Variants in CCNY observed in about 807,000 individuals in gnomAD.
The protein encoded by CCNY is cyclin-Y.
In CCNY, 19 loss-of-function variants were observed where a neutral mutation model predicts 42.8. The observed-to-expected ratio is 0.44, with a 90% CI of 0.31 to 0.65. CCNY has a LOEUF of 0.65. Among genes scored for constraint, CCNY ranks in the 30% least tolerant of loss-of-function variants. The pLI is 0.07. For missense variants in CCNY, 370 were observed against 437.3 expected, an observed-to-expected ratio of 0.85 and a Z score of 1.37; for synonymous variants, 165 against 162.7, an observed-to-expected ratio of 1.01 and a Z score of -0.11.
At chr10:35,473,447 G>A (rs1839431811) in intron 1 of CCNY, among the ~76,000 whole-genome samples, 1 of 152,144 alleles carries the variant, frequency 6.6e-6, no homozygotes. Flanking sequence ...TCAAGAGCTT[G>A]GTGGGAGCAG....
chr10:35,463,536 T>C (rs1023336255), intron 1 of CCNY, among the ~76,000 whole-genome samples: 2 of 152,214 alleles, frequency 1.3e-5, no homozygotes, highest in Admixed American at 6.5e-5. Context: ...AGTGAAACTC[T>C]GGAAGCACCA....
rs368651541 is a variant in CCNY at position 35,339,498 on chromosome 10, A to G, written c.154+2291A>G. ...TATCTGTATGTATTTGAACTGAGTT[A>G]TATTGATTGTTAGGTTATTAGTAAA... On this transcript the variant is annotated intron_variant, in intron 1 of 9. Transcript: ENST00000374704. Among the ~76,000 whole-genome samples the G allele has an allele frequency of 1.5e-3, 225 of 152,352 alleles. 6 individuals carry two copies. The South Asian group carries it at 0.033, about 22-fold the overall frequency.
At chr10:35,465,428 T>G (rs749871807) in intron 1 of CCNY, among the ~76,000 whole-genome samples, 3 of 152,152 alleles carry the variant, frequency 2.0e-5, no homozygotes, top group Non-Finnish European at 2.9e-5. Flanking sequence ...TTTAAACTTG[T>G]CACTTCACCT....
rs1840301334 is a variant in CCNY at position 35,510,352 on chromosome 10, C to A, written c.265-6171C>A. Among the ~76,000 whole-genome samples the A allele has an allele frequency of 3.9e-5, 6 of 152,086 alleles. No individual in the cohort carries two copies. In the South Asian group the frequency reaches 1.2e-3, roughly 32 times the overall value. On this transcript the variant is annotated intron_variant, in intron 3 of 9. Transcript: ENST00000374704. ...GCCTCAGCCTCCTGGGTAGCTGGCACCACAGGCATGCATCACCACACCTGG... is the reference window on the plus strand; with the variant it reads ...GCCTCAGCCTCCTGGGTAGCTGGCAACACAGGCATGCATCACCACACCTGG...
intron 8 of CCNY, among the ~76,000 whole-genome samples, chr10:35,556,740 A>C (rs578056239): frequency 6.6e-6 from 1 of 152,186 alleles, no homozygotes; most frequent in African/African-American, 2.4e-5. Context: ...TTGTGTCTCC[A>C]TTCCTTTCTG....
intron 7 of CCNY, among the ~76,000 whole-genome samples, chr10:35,550,279 C>G (rs1004208084): frequency 6.6e-6 from 1 of 151,752 alleles, no homozygotes; most frequent in Non-Finnish European, 1.5e-5. Context: ...AGTCCGTGAC[C>G]CTACAGTGCT....
At chr10:35,556,625 A>G (rs1841367389) in intron 8 of CCNY, among the ~76,000 whole-genome samples, 1 of 152,056 alleles carries the variant, frequency 6.6e-6, no homozygotes, top group African/African-American at 2.4e-5. Context: ...GATTGGAGGG[A>G]GCATGGAGCT....
Position 35,416,974 on chromosome 10 carries a change from G to C in CCNY, c.155-66430G>C, listed in dbSNP as rs1298987205. ...TAGCCTTCATAACCCATCAAACAGT[G>C]AAAGTGTATTTCTTGCTTAAACAAA... On this transcript the variant is annotated intron_variant, in intron 1 of 9. Transcript: ENST00000374704. Among the ~76,000 whole-genome samples the C allele has an allele frequency of 2.6e-5, 4 of 152,212 alleles. No individual in the cohort carries two copies. The East Asian group carries it at 5.8e-4, about 22-fold the overall frequency.
At chr10:35,360,530 C>T (rs567552371) in intron 1 of CCNY, among the ~76,000 whole-genome samples, 131 of 152,044 alleles carry the variant, frequency 8.6e-4, no homozygotes, top group African/African-American at 2.9e-3. Context: ...AGTCCTTCTG[C>T]CTTGGCCTCC....
chr10:35,438,930 A>G (rs1173835421), intron 1 of CCNY, among the ~76,000 whole-genome samples: 1 of 152,188 alleles, frequency 6.6e-6, no homozygotes, highest in East Asian at 1.9e-4. Flanking sequence ...TTGCTGATAC[A>G]GGATTCTGGG....
In CCNY at chr10:35,571,195, C is replaced by G. The variant is rs1029887138; in HGVS notation, c.*2025C>G. On this transcript the variant is annotated 3_prime_UTR_variant, in exon 10 of 10. Transcript: ENST00000374704. ...ACCAATCCATTTCAGGAAAGAGGTTCTGCTGCCGTAAAGGCAGAAATTTTA... is the reference window on the plus strand; with the variant it reads ...ACCAATCCATTTCAGGAAAGAGGTTGTGCTGCCGTAAAGGCAGAAATTTTA... 4 of 152,204 alleles carry G rather than the reference C, an allele frequency of 2.6e-5. No homozygotes were observed. Among genetic ancestry groups the G allele is most frequent in the Non-Finnish European group, 4.4e-5 (3 of 68,020 alleles). 9.4% of individuals were successfully genotyped at this position (152,204 alleles called of 1,614,324 possible).
chr10:35,444,272 G>A (rs1015257889), intron 1 of CCNY, among the ~76,000 whole-genome samples: 7 of 145,392 alleles, frequency 4.8e-5, no homozygotes, highest in South Asian at 4.3e-4. Flanking sequence ...TTTTGGAGAC[G>A]GAGTCTTGCT....
chr10:35,330,589 C>T (rs144323706), intron 3 of CCNY, among the ~76,000 whole-genome samples: 17 of 152,264 alleles, frequency 1.1e-4, no homozygotes, highest in African/African-American at 3.9e-4. Flanking sequence ...TTCAAAATAA[C>T]AATGATTTAT....
intron 7 of CCNY, among the ~76,000 whole-genome samples, chr10:35,550,955 A>T (rs768472986): frequency 6.6e-6 from 1 of 152,010 alleles, no homozygotes; most frequent in African/African-American, 2.4e-5. Context: ...TGAGCTCCAG[A>T]CCTGCATGTT....
intron 3 of CCNY, among the ~76,000 whole-genome samples, chr10:35,299,251 T>C (rs562832314): frequency 6.6e-6 from 1 of 152,334 alleles, no homozygotes; most frequent in East Asian, 1.9e-4. Context: ...CATTGCAGGG[T>C]GGAGCGTTCT....
intron 4 of CCNY, among the ~76,000 whole-genome samples, chr10:35,517,944 G>A (rs543434092): frequency 6.6e-6 from 1 of 152,326 alleles, no homozygotes; most frequent in South Asian, 2.1e-4. Flanking sequence ...CTGAAGATCT[G>A]TGTACCACAT....
At chr10:35,455,345 C>G (rs1262468035) in intron 1 of CCNY, 3 of 152,184 alleles carry the variant, frequency 2.0e-5, no homozygotes, top group Non-Finnish European at 4.4e-5. Context: ...TTTTTCTACT[C>G]CTGTTCTCTA....
chr10:35,318,613 T>C (rs780353071), intron 3 of CCNY, among the ~76,000 whole-genome samples: 1 of 152,192 alleles, frequency 6.6e-6, no homozygotes, highest in African/African-American at 2.4e-5. Flanking sequence ...GCAGTTTTCT[T>C]GCAGTTCTGA....
chr10:35,316,080 ATCT>A (rs931612070), intron 3 of CCNY, among the ~76,000 whole-genome samples: 37 of 152,256 alleles, frequency 2.4e-4, no homozygotes, highest in African/African-American at 8.2e-4. Context: ...CTGTTATAAA[ATCT>A]TCTTTTACAA....
Sources: gnomAD v4.1 joint callset for allele counts (sites outside exome capture counted in the v4.1 genomes callset) on GRCh38, gnomAD v4.1.1 for gene constraint, MANE v1.5 for transcripts, NCBI Gene and HGNC (gene_info 2026-07-23, HGNC 2026-07-21) for gene names.